The following SLCO2B1 variants were observed in gnomAD, a reference collection of about 807,000 sequenced individuals.
The protein encoded by SLCO2B1 is OATP-RP2.
SLCO2B1 carries 41 observed loss-of-function variants against 67.3 expected under a neutral mutation model. The observed-to-expected ratio is 0.61, with a 90% CI of 0.47 to 0.79. The LOEUF (loss-of-function observed/expected upper bound fraction) is 0.79. Among genes scored for constraint, SLCO2B1 ranks in the 30% least tolerant of loss-of-function variants. The probability of loss-of-function intolerance (pLI) is 0.00; values close to 1 mark genes in which losing one functional copy is unlikely to be tolerated. For missense variants in SLCO2B1, 837 were observed against 920.1 expected, an observed-to-expected ratio of 0.91 and a Z score of 1.17; for synonymous variants, 379 against 381.4, an observed-to-expected ratio of 0.99 and a Z score of 0.07.
At position 75,188,137 on chromosome 11, in the gene SLCO2B1, G is replaced by A; in HGVS notation, c.974G>A (p.Gly325Asp). 6.2e-7 allele frequency: 1 copy of A among 1,611,030 alleles called. No homozygotes were observed. Among genetic ancestry groups the A allele is most frequent in the Non-Finnish European group, 8.5e-7 (1 of 1,177,776 alleles). The change falls in exon 8 of 14, where the codon GGC becomes GAC. Residue 325 changes from glycine (G) to aspartate (D), a missense_variant and splice_region_variant. Gly to Asp is a moderately conservative substitution (Grantham distance 94). Transcript: ENST00000289575. ...LAVTDSPARKGKDSPSKQSPG... is the reference protein window; with the variant it reads ...LAVTDSPARKDKDSPSKQSPG... ...TCCTTGGTTTTGTGTCTCCTTCAGG[G>A]CAAGGACTCTCCCTCTAAGCAGAGC...
At chr11:75,169,553 C>T (rs1270385777) in intron 5 of SLCO2B1, 113 bp from the exon 6 acceptor site, 5 of 1,205,698 alleles carry the variant, frequency 4.1e-6, no homozygotes, top group Admixed American at 2.2e-5. Context: ...TGGAGAGTTC[C>T]CCATCCCTGA....
chr11:75,166,558 C>A (rs984962564), intron 4 of SLCO2B1, among the ~76,000 whole-genome samples: 1 of 152,050 alleles, frequency 6.6e-6, no homozygotes, highest in African/African-American at 2.4e-5. Context: ...CTCCTACCCA[C>A]TCACCCACCC....
chr11:75,173,123 C>T (rs1411631402), intron 7 of SLCO2B1, among the ~76,000 whole-genome samples: 2 of 152,154 alleles, frequency 1.3e-5, no homozygotes, highest in Non-Finnish European at 2.9e-5. Flanking sequence ...GGGATGAGAA[C>T]CCGCACCTTT....
intron 13 of SLCO2B1, chr11:75,203,774 T>C (rs758390241): frequency 3.0e-5 from 7 of 236,364 alleles, no homozygotes; most frequent in Non-Finnish European, 5.8e-5. Context: ...AAGCCCTGTC[T>C]AGGACACAGG....
At chr11:75,203,586 A>G in intron 13 of SLCO2B1, 159 bp downstream of exon 13, 1 of 852,604 alleles carries the variant, frequency 1.2e-6, no homozygotes, top group South Asian at 1.7e-5. Context: ...CTTCAAGCTA[A>G]ACACTGCCCC....
Position 75,193,625 on chromosome 11 carries a change from G to A in SLCO2B1, c.1433+50G>A. The A allele has an allele frequency of 6.8e-7, 1 of 1,469,466 alleles. No individual in the cohort carries two copies. Among genetic ancestry groups the A allele is most frequent in the Non-Finnish European group, 9.1e-7 (1 of 1,101,824 alleles). 91.0% of individuals were successfully genotyped at this position (1,469,466 alleles called of 1,614,324 possible). A position where few individuals can be genotyped will look rare whatever the true frequency, so the allele number is the denominator to read the frequency against. On this transcript the variant is annotated intron_variant, in intron 9 of 13. Coordinates refer to ENST00000289575, the MANE Select transcript of SLCO2B1 (RefSeq NM_007256.5). The surrounding 1 kb of genome is among the most constrained non-coding windows in gnomAD (Gnocchi z 4.2). ...AGGCAAGCCTGGGAGGACAGGACAG[G>A]GAGGACAGGGGCCCTGGGCAGAGGC...
At chr11:75,172,963 G>A (rs967523543) in intron 7 of SLCO2B1, among the ~76,000 whole-genome samples, 3 of 152,002 alleles carry the variant, frequency 2.0e-5, no homozygotes, top group Non-Finnish European at 2.9e-5. Flanking sequence ...TCCCCACTGG[G>A]CACTATACTT....
rs1945163829 is a variant in SLCO2B1, at chr11:75,200,316, C to T, written c.1692C>T (p.Phe564=). 6.2e-7 allele frequency: 1 copy of T among 1,613,820 alleles called. No homozygotes were observed. The highest frequency in any genetic ancestry group is 8.5e-7 in the Non-Finnish European group (1 of 1,179,962). The part of the protein sequence containing the change: ...DSTCSHLVVP[F]LLLVSLGSAL... ...CGTGCAGCCATCTGGTGGTGCCCTT[C>T]CTGCTCCTGGTCAGCCTGGGCTCGG... The change falls in exon 11 of 14, where the codon TTC becomes TTT. Residue 564 remains phenylalanine, a synonymous_variant. Transcript: ENST00000289575.
chr11:75,176,252 C>A (rs1356449346), intron 7 of SLCO2B1, among the ~76,000 whole-genome samples: 3 of 152,164 alleles, frequency 2.0e-5, no homozygotes, highest in African/African-American at 7.2e-5. Context: ...TCTCCTGGGC[C>A]CGCCATGCCC....
chr11:75,160,942 A>G (rs1284253963), intron 1 of SLCO2B1, among the ~76,000 whole-genome samples: 1 of 152,250 alleles, frequency 6.6e-6, no homozygotes, highest in Non-Finnish European at 1.5e-5. Flanking sequence ...AGTATTAGCA[A>G]AGATGTAGAG....
At chr11:75,155,964 T>C (rs1186022253) in intron 1 of SLCO2B1, among the ~76,000 whole-genome samples, 1 of 152,134 alleles carries the variant, frequency 6.6e-6, no homozygotes, top group Non-Finnish European at 1.5e-5. Context: ...CTTGACCTCC[T>C]TGGGACTGAG....
intron 1 of SLCO2B1, among the ~76,000 whole-genome samples, chr11:75,157,623 G>C (rs1949760414): frequency 6.6e-6 from 1 of 152,150 alleles, no homozygotes; most frequent in Admixed American, 6.5e-5. Context: ...ATATTTATCA[G>C]GAAAAGAGAG....
chr11:75,155,915 G>C (rs575170601), intron 1 of SLCO2B1, among the ~76,000 whole-genome samples: 3 of 152,160 alleles, frequency 2.0e-5, no homozygotes, highest in Non-Finnish European at 4.4e-5. Flanking sequence ...ATGCTCACTA[G>C]GGTGGGGGGT....
intron 2 of SLCO2B1, 98 bp downstream of exon 2, chr11:75,162,883 G>A (rs1381786180): frequency 1.3e-5 from 18 of 1,384,576 alleles, no homozygotes; most frequent in South Asian, 5.5e-5. Flanking sequence ...TCTGAGCCTC[G>A]GTTTCCTCAT....
intron 9 of SLCO2B1, among the ~76,000 whole-genome samples, chr11:75,195,802 G>A (rs1945089901): frequency 6.6e-6 from 1 of 152,218 alleles, no homozygotes; most frequent in Non-Finnish European, 1.5e-5. Context: ...CCCCGCTAGC[G>A]TGAAGCCAGG....
chr11:75,200,504 C>T (rs1945166565), intron 11 of SLCO2B1, 117 bp downstream of exon 11: 1 of 1,032,832 alleles, frequency 9.7e-7, no homozygotes, highest in East Asian at 2.6e-5. Context: ...GTCCTGGCCC[C>T]CACAATATGG....
At chr11:75,180,750 T>C (rs1270298945) in intron 7 of SLCO2B1, among the ~76,000 whole-genome samples, 3 of 152,196 alleles carry the variant, frequency 2.0e-5, no homozygotes, top group Non-Finnish European at 4.4e-5. Flanking sequence ...TCTAAGACCT[T>C]TGTATGGATG....
At chr11:75,188,408 C>T (rs557159965) in intron 8 of SLCO2B1, among the ~76,000 whole-genome samples, 170 bp downstream of exon 8, 2 of 152,298 alleles carry the variant, frequency 1.3e-5, no homozygotes, top group African/African-American at 4.8e-5. Context: ...TCTGCCTGGA[C>T]CATCATTTTT....
At chr11:75,171,953 C>G (rs1324009242) in intron 6 of SLCO2B1, among the ~76,000 whole-genome samples, 1 of 151,906 alleles carries the variant, frequency 6.6e-6, no homozygotes, top group Non-Finnish European at 1.5e-5. Context: ...GGAGCAGGTA[C>G]CTATATGGCA....
Sources: allele counts gnomAD v4.1 joint callset (sites outside exome capture counted in the v4.1 genomes callset), GRCh38; gene constraint gnomAD v4.1.1; non-coding constraint Gnocchi (gnomAD v3.1); transcripts MANE v1.5; gene names NCBI Gene and HGNC (gene_info 2026-07-23, HGNC 2026-07-21).